LONP2: variants seen among roughly 807,000 people sequenced by gnomAD.
The protein encoded by LONP2 is lon protease homolog 2, peroxisomal.
A neutral mutation model predicts 85.6 loss-of-function variants in LONP2; 60 were observed. That is an observed-to-expected ratio of 0.70 (90% CI 0.57 to 0.87). LONP2 has a LOEUF of 0.87. Ranked by LOEUF, LONP2 falls within the 40% of genes least tolerant of loss-of-function variation. The pLI, the probability that LONP2 is intolerant of heterozygous loss-of-function variation, is 0.00. For missense variants in LONP2, 860 were observed against 1,063.5 expected, an observed-to-expected ratio of 0.81 and a Z score of 2.66; for synonymous variants, 395 against 389.7, an observed-to-expected ratio of 1.01 and a Z score of -0.16.
chr16:48,252,038 A>G, intron 1 of LONP2, 93 bp from the exon 2 acceptor site: 1 of 943,688 alleles, frequency 1.1e-6, no homozygotes, highest in Non-Finnish European at 1.5e-6. Context: ...CTTTTGCTTA[A>G]TGAATGTATC....
At chr16:48,277,516 G>A (rs1246643242) in intron 8 of LONP2, 37 bp downstream of exon 8, 3 of 1,589,456 alleles carry the variant, frequency 1.9e-6, no homozygotes, top group African/African-American at 1.3e-5. Flanking sequence ...TCTTCATACT[G>A]GAAGAGTATG....
chr16:48,340,032 A>C (rs1468909069), intron 12 of LONP2, among the ~76,000 whole-genome samples: 1 of 152,214 alleles, frequency 6.6e-6, no homozygotes, highest in Non-Finnish European at 1.5e-5. Flanking sequence ...TCATGCCTTC[A>C]CTGAAGACAC....
At chr16:48,306,537 A>G (rs1972915655) in intron 11 of LONP2, among the ~76,000 whole-genome samples, 2 of 152,364 alleles carry the variant, frequency 1.3e-5, no homozygotes, top group Middle Eastern at 3.4e-3. Context: ...AAGAGCATCT[A>G]GATGAATAAT....
chr16:48,316,323 CTTTTTTTTTT>C (rs776343152), intron 11 of LONP2, among the ~76,000 whole-genome samples: 3 of 106,008 alleles, frequency 2.8e-5, no homozygotes, highest in Non-Finnish European at 5.7e-5. Context: ...CCATTGGATT[CTTTTTTTTTT>C]TTTTTTTTTT....
intron 9 of LONP2, among the ~76,000 whole-genome samples, chr16:48,297,193 A>C (rs188800349): frequency 1.2e-4 from 19 of 152,232 alleles, no homozygotes; most frequent in Admixed American, 9.2e-4. Flanking sequence ...TTTTTAGTAG[A>C]GACCATGTTG....
intron 7 of LONP2, among the ~76,000 whole-genome samples, chr16:48,274,867 A>C (rs534319774): frequency 2.6e-5 from 4 of 152,308 alleles, no homozygotes; most frequent in African/African-American, 9.6e-5. Context: ...ACTCTTTTCT[A>C]TTCCAAATTC....
Position 48,354,111 on chromosome 16 carries a change from T to TGGGGGG in LONP2, c.*2313_*2314insGGGGGG, listed in dbSNP as rs1960247930. ...GGTGGGGGGTTAGGGGTGGGGCGGG[T>TGGGGGG]GGGGAAGAGCCAAAATTTTAACCAT... On this transcript the variant is annotated 3_prime_UTR_variant, in exon 15 of 15. Coordinates refer to ENST00000285737, the MANE Select transcript of LONP2 (RefSeq NM_031490.5). 6.9e-5 allele frequency: 1 copy of TGGGGGG among 14,538 alleles called. No individual in the cohort carries two copies. The highest frequency in any genetic ancestry group is 1.2e-4 in the Non-Finnish European group (1 of 8,304). The allele number at this position is 14,538 out of a possible 1,614,324, so 0.9% of individuals were successfully genotyped here.
chr16:48,316,323 CTT>C (rs776343152), intron 11 of LONP2, among the ~76,000 whole-genome samples: 3 of 105,998 alleles, frequency 2.8e-5, no homozygotes, highest in Non-Finnish European at 3.8e-5. Context: ...CCATTGGATT[CTT>C]TTTTTTTTTT....
At chr16:48,279,056 C>T (rs572809454) in intron 8 of LONP2, among the ~76,000 whole-genome samples, 27 of 152,152 alleles carry the variant, frequency 1.8e-4, no homozygotes, top group Middle Eastern at 3.4e-3. Flanking sequence ...TGTAATATAT[C>T]TTATCTCCAT....
intron 7 of LONP2, among the ~76,000 whole-genome samples, chr16:48,273,654 T>C (rs1972148740): frequency 6.6e-6 from 1 of 152,232 alleles, no homozygotes; most frequent in East Asian, 1.9e-4. Context: ...ATTTAAGTAT[T>C]ACATTTAAAT....
chr16:48,280,827 G>A (rs74016394), intron 8 of LONP2, among the ~76,000 whole-genome samples: 2,077 of 152,182 alleles, frequency 0.014, 47 homozygotes, highest in African/African-American at 0.047. Flanking sequence ...TTAAATAACA[G>A]TACATATTAA....
rs536933172 is a variant in LONP2 at position 48,362,401 on chromosome 16, G to A, written c.*538G>A. On this transcript the variant is annotated 3_prime_UTR_variant, in exon 5 of 5. Coordinates refer to the LONP2 transcript ENST00000565867. This position sits in a 1 kb window ranked among gnomAD's most constrained non-coding sequence, Gnocchi z 4.2. ...GGTGGACACTTCGAGGTACCGGTAG[G>A]TAATGCTGTAGCAGTCTGACGGCTC... 1 of 1,614,140 alleles carries A rather than the reference G, an allele frequency of 6.2e-7. No homozygotes were observed. The highest frequency in any genetic ancestry group is 1.1e-5 in the South Asian group (1 of 91,074).
chr16:48,295,147 G>A (rs1043563491), intron 8 of LONP2, among the ~76,000 whole-genome samples: 5 of 152,102 alleles, frequency 3.3e-5, no homozygotes, highest in East Asian at 1.9e-4. Context: ...TGAGGCAGGC[G>A]GATCACTTGA....
intron 11 of LONP2, among the ~76,000 whole-genome samples, chr16:48,324,052 C>T (rs1251975736): frequency 6.6e-6 from 1 of 152,116 alleles, no homozygotes; most frequent in Non-Finnish European, 1.5e-5. Flanking sequence ...AATGACAGCA[C>T]GAATTATACA....
chr16:48,254,429 T>C (rs1301173411), intron 2 of LONP2, among the ~76,000 whole-genome samples: 1 of 151,548 alleles, frequency 6.6e-6, no homozygotes, highest in Non-Finnish European at 1.5e-5. Flanking sequence ...AGTGGTGCAA[T>C]TTCGGCTCAC....
At chr16:48,249,234 A>T (rs752872551) in intron 1 of LONP2, among the ~76,000 whole-genome samples, 7 of 152,170 alleles carry the variant, frequency 4.6e-5, no homozygotes, top group Non-Finnish European at 1.0e-4. Context: ...CATAATTAGG[A>T]TGTAGATTTA....
intron 9 of LONP2, among the ~76,000 whole-genome samples, 159 bp downstream of exon 9, chr16:48,296,324 A>G (rs1283037840): frequency 6.6e-6 from 1 of 152,260 alleles, no homozygotes; most frequent in Non-Finnish European, 1.5e-5. Context: ...ATGTAGCTTC[A>G]AAGTCTGGAA....
At position 48,256,642 on chromosome 16, in the gene LONP2, A is replaced by T. The variant is rs1478583790; in HGVS notation, c.501A>T (p.Ala167=). ...LVEMLDMSVP[A]VAKLRRLLDS... is the part of the protein sequence containing the mutation. ...AAATGTTGGATATGTCTGTCCCTGC[A>T]GTTGCTAAATTGAGACGTCTTTTAG... Residue 167 remains alanine, a synonymous_variant, in exon 3 of 15, where the codon GCA becomes GCT. Coordinates refer to ENST00000285737, the MANE Select transcript of LONP2 (RefSeq NM_031490.5). 6.2e-7 allele frequency: 1 copy of T among 1,613,856 alleles called. No homozygotes were observed. Among genetic ancestry groups the T allele is most frequent in the Admixed American group, 1.7e-5 (1 of 59,998 alleles).
chr16:48,348,344 T>A, intron 14 of LONP2, 54 bp downstream of exon 14: 3 of 1,178,190 alleles, frequency 2.5e-6, no homozygotes, highest in Non-Finnish European at 3.3e-6. Flanking sequence ...TTTTGAAAAT[T>A]AATATTATTT....
Sources: gnomAD v4.1 joint callset for allele counts (sites outside exome capture counted in the v4.1 genomes callset) on GRCh38, gnomAD v4.1.1 for gene constraint, Gnocchi (gnomAD v3.1) non-coding constraint, MANE v1.5 for transcripts, NCBI Gene and HGNC (gene_info 2026-07-23, HGNC 2026-07-21) for gene names.